LRRIQ3: variants seen among roughly 807,000 people sequenced by gnomAD.
LRRIQ3 encodes leucine rich repeats and IQ motif containing 3.
In LRRIQ3, 75 loss-of-function variants were observed where a neutral mutation model predicts 59.3. The ratio of observed to expected loss-of-function variants is 1.26; its 90% CI spans 1.05 to 1.53. LRRIQ3 has a LOEUF of 1.53. Among genes scored for constraint, LRRIQ3 ranks in the 40% most tolerant of loss-of-function variants. The pLI, the probability that LRRIQ3 is intolerant of heterozygous loss-of-function variation, is 0.00. For synonymous variants in LRRIQ3, 250 were observed against 231.3 expected (o/e 1.08, Z -0.73); for missense variants, 831 against 710.0 (o/e 1.17, Z -1.94).
chr1:74,165,143 T>C (rs1197747439), intron 3 of LRRIQ3, among the ~76,000 whole-genome samples: 2 of 151,696 alleles, frequency 1.3e-5, no homozygotes, highest in African/African-American at 4.8e-5. Flanking sequence ...ACAATTCTAG[T>C]TTGTTTATAT....
intron 5 of LRRIQ3, among the ~76,000 whole-genome samples, chr1:74,088,075 AGAGT>A (rs1276480404): frequency 6.6e-6 from 1 of 152,120 alleles, no homozygotes; most frequent in Non-Finnish European, 1.5e-5. Context: ...CCTCGGCAAC[AGAGT>A]GAGACTCCAT....
chr1:74,073,096 C>A (rs1382138497), intron 6 of LRRIQ3, among the ~76,000 whole-genome samples: 1 of 152,138 alleles, frequency 6.6e-6, no homozygotes, highest in Non-Finnish European at 1.5e-5. Flanking sequence ...TCCTTTACTT[C>A]CATTCACTCT....
intron 5 of LRRIQ3, among the ~76,000 whole-genome samples, chr1:74,089,486 G>C (rs1178733569): frequency 6.6e-6 from 1 of 151,992 alleles, no homozygotes; most frequent in Non-Finnish European, 1.5e-5. Context: ...ATGAATTGTT[G>C]ATAAATGTTA....
chr1:74,068,568 T>G (rs1654932702), intron 6 of LRRIQ3, among the ~76,000 whole-genome samples: 1 of 152,094 alleles, frequency 6.6e-6, no homozygotes, highest in Non-Finnish European at 1.5e-5. Flanking sequence ...TGATTTAAAT[T>G]TCACCTTCTT....
chr1:74,100,054 C>A (rs1051882017), intron 5 of LRRIQ3, among the ~76,000 whole-genome samples: 1 of 152,054 alleles, frequency 6.6e-6, no homozygotes, highest in African/African-American at 2.4e-5. Context: ...AAGTTCTGGC[C>A]AGGGCAATCA....
At chr1:74,054,257 T>C (rs1453730805) in intron 6 of LRRIQ3, among the ~76,000 whole-genome samples, 1 of 151,138 alleles carries the variant, frequency 6.6e-6, no homozygotes, top group East Asian at 1.9e-4. Context: ...TATTATTGAG[T>C]GAAAGAAGCC....
intron 4 of LRRIQ3, among the ~76,000 whole-genome samples, chr1:74,141,815 G>A (rs1047476498): frequency 6.6e-6 from 1 of 151,528 alleles, no homozygotes; most frequent in Non-Finnish European, 1.5e-5. Context: ...AATTTTCCTA[G>A]TCCACTTTTG....
intron 1 of LRRIQ3, among the ~76,000 whole-genome samples, chr1:74,189,087 T>C (rs927934151): frequency 6.6e-6 from 1 of 152,114 alleles, no homozygotes; most frequent in African/African-American, 2.4e-5. Context: ...ACTCCTCCAG[T>C]GAACTGCTGG....
chr1:74,049,154 G>C (rs1013918246), intron 6 of LRRIQ3, among the ~76,000 whole-genome samples: 1 of 152,182 alleles, frequency 6.6e-6, no homozygotes, highest in African/African-American at 2.4e-5. Flanking sequence ...CATTTAGCCT[G>C]CTAGGGATAC....
intron 3 of LRRIQ3, among the ~76,000 whole-genome samples, chr1:74,157,353 T>C (rs906091306): frequency 6.6e-6 from 1 of 152,088 alleles, no homozygotes; most frequent in Non-Finnish European, 1.5e-5. Context: ...ACTCTTTTTT[T>C]GTCTAAGATT....
At chr1:74,097,972 C>T (rs911080308) in intron 5 of LRRIQ3, among the ~76,000 whole-genome samples, 1 of 152,106 alleles carries the variant, frequency 6.6e-6, no homozygotes, top group African/African-American at 2.4e-5. Context: ...TAAAGACCAT[C>T]GATGCTAGGA....
intron 4 of LRRIQ3, among the ~76,000 whole-genome samples, chr1:74,130,154 C>G (rs1256243030): frequency 6.6e-6 from 1 of 151,984 alleles, no homozygotes; most frequent in Non-Finnish European, 1.5e-5. Flanking sequence ...CTGAGCCAGC[C>G]CAGCACCAGG....
chr1:74,112,906 G>A (rs1422250961), intron 4 of LRRIQ3, among the ~76,000 whole-genome samples: 1 of 152,034 alleles, frequency 6.6e-6, no homozygotes, highest in Non-Finnish European at 1.5e-5. Context: ...TAAACAAAAT[G>A]TTATTAGGCA....
At chr1:74,184,150 A>T (rs913803684) in intron 1 of LRRIQ3, among the ~76,000 whole-genome samples, 26 of 152,076 alleles carry the variant, frequency 1.7e-4, no homozygotes, top group Non-Finnish European at 1.0e-4. Flanking sequence ...GCAGCCAGAT[A>T]AAATAAAGGT....
At chr1:74,157,691 C>A (rs531133502) in intron 3 of LRRIQ3, among the ~76,000 whole-genome samples, 2 of 152,078 alleles carry the variant, frequency 1.3e-5, no homozygotes, top group East Asian at 3.9e-4. Flanking sequence ...TTCAGTTTTC[C>A]TCTAAATCTT....
chr1:74,140,804 A>G (rs533330711), intron 4 of LRRIQ3, among the ~76,000 whole-genome samples: 6 of 151,836 alleles, frequency 4.0e-5, no homozygotes, highest in Non-Finnish European at 5.9e-5. Flanking sequence ...CCCTACCTCA[A>G]TAACTTTACA....
intron 6 of LRRIQ3, among the ~76,000 whole-genome samples, chr1:74,063,503 T>G (rs558524501): frequency 6.6e-6 from 1 of 152,240 alleles, no homozygotes; most frequent in South Asian, 2.1e-4. Context: ...CCAATTCTTA[T>G]TGTTGCATTG....
intron 3 of LRRIQ3, among the ~76,000 whole-genome samples, chr1:74,165,300 A>G (rs191223892): frequency 8.6e-5 from 13 of 151,642 alleles, no homozygotes; most frequent in African/African-American, 3.1e-4. Flanking sequence ...TTTTCAGCGC[A>G]GCAGTACTGT....
chr1:74,173,198 G>T (rs1308352804), intron 3 of LRRIQ3, among the ~76,000 whole-genome samples: 3 of 151,362 alleles, frequency 2.0e-5, no homozygotes, highest in Non-Finnish European at 4.4e-5. Context: ...TTGGGAGGCT[G>T]AGGCAGGAGA....
Sources: allele counts gnomAD v4.1 joint callset (sites outside exome capture counted in the v4.1 genomes callset), GRCh38; gene constraint gnomAD v4.1.1; transcripts MANE v1.5; gene names NCBI Gene and HGNC (gene_info 2026-07-23, HGNC 2026-07-21).